Variants in BAD observed in about 807,000 individuals in gnomAD.
BAD encodes the protein BCL2 associated agonist of cell death, also known as bcl2-associated agonist of cell death.
BAD carries 18 observed loss-of-function variants against 17.8 expected under a neutral mutation model. The observed-to-expected ratio is 1.01, with a 90% CI of 0.70 to 1.50. The LOEUF (loss-of-function observed/expected upper bound fraction) is 1.50, where lower values mean the gene tolerates loss of function less well. Among genes scored for constraint, BAD ranks in the 40% most tolerant of loss-of-function variants. The pLI, the probability that BAD is intolerant of heterozygous loss-of-function variation, is 0.00. For missense variants in BAD, 294 were observed against 239.3 expected (o/e 1.23, Z -1.51); for synonymous variants, 112 against 91.5 (o/e 1.22, Z -1.28).
intron 2 of BAD, among the ~76,000 whole-genome samples, chr11:64,279,541 T>C (rs1274920269): frequency 1.3e-4 from 19 of 148,998 alleles, no homozygotes; most frequent in Non-Finnish European, 1.8e-4. Flanking sequence ...CTGAGGCGGG[T>C]GGATCACGAG....
chr11:64,284,648 G>A lies in BAD; in HGVS notation c.-26C>T. The A allele has an allele frequency of 6.5e-7, 1 of 1,531,792 alleles. No individual in the cohort carries two copies. Among genetic ancestry groups the A allele is most frequent in the African/African-American group, 1.4e-5 (1 of 72,948 alleles). 94.9% of individuals were successfully genotyped at this position (1,531,792 alleles called of 1,614,324 possible). ...GGTCTCACCCCAAGCCCGATCTCGAGGCCCCTGACCCGGGCCTGCCGCCTC... is the reference window on the plus strand; with the variant it reads ...GGTCTCACCCCAAGCCCGATCTCGAAGCCCCTGACCCGGGCCTGCCGCCTC... On this transcript the variant is annotated 5_prime_UTR_variant, in exon 1 of 4. Transcript: ENST00000309032.
intron 2 of BAD, among the ~76,000 whole-genome samples, chr11:64,279,575 G>A (rs1322145146): frequency 2.0e-5 from 3 of 151,672 alleles, no homozygotes; most frequent in Non-Finnish European, 4.4e-5. Context: ...GACCAGCCTG[G>A]CCAACATGGT....
chr11:64,275,134 G>A (rs2032963576), intron 2 of BAD, among the ~76,000 whole-genome samples: 1 of 151,840 alleles, frequency 6.6e-6, no homozygotes, highest in Admixed American at 6.6e-5. Context: ...GGTCAGGTGG[G>A]GATACCTCAA....
intron 2 of BAD, among the ~76,000 whole-genome samples, 173 bp downstream of exon 2, chr11:64,284,009 A>C (rs2033662507): frequency 6.6e-6 from 1 of 152,206 alleles, no homozygotes; most frequent in Non-Finnish European, 1.5e-5. Context: ...TAATTAACTC[A>C]ACAGTCCTAC....
At chr11:64,282,798 G>T (rs1400877197) in intron 2 of BAD, among the ~76,000 whole-genome samples, 1 of 150,208 alleles carries the variant, frequency 6.7e-6, no homozygotes, top group East Asian at 2.0e-4. Context: ...AGAACTGCTT[G>T]AACCCAGGAG....
rs2033697102 is a variant in BAD at position 64,284,322 on chromosome 11, C to G, written c.47G>C (p.Ser16Thr). 2 of 1,612,674 alleles carry G rather than the reference C, an allele frequency of 1.2e-6. No individual in the cohort carries two copies. The highest frequency in any genetic ancestry group is 1.7e-6 in the Non-Finnish European group (2 of 1,179,980). The change falls in exon 2 of 4, where the codon AGC (serine) becomes ACC (threonine). Residue 16 changes from serine (S) to threonine (T), a missense_variant. Transcript: ENST00000309032. Reference protein sequence around the residue: ...EFEPSEQEDSSSAERGLGPSP... With the variant: ...EFEPSEQEDSTSAERGLGPSP... ...GGGGCCCAGGCCCCTCTCTGCAGAG[C>G]TGGAGTCTTCCTGCTCACTCGGCTC...
intron 2 of BAD, among the ~76,000 whole-genome samples, chr11:64,283,143 C>T (rs539105600): frequency 1.3e-5 from 2 of 152,156 alleles, no homozygotes; most frequent in Non-Finnish European, 2.9e-5. Flanking sequence ...CGTAAGAGAG[C>T]GAGGGGAAAG....
chr11:64,279,919 C>T (rs997300880), intron 2 of BAD, among the ~76,000 whole-genome samples: 15 of 152,156 alleles, frequency 9.9e-5, no homozygotes, highest in Admixed American at 9.2e-4. Context: ...CACTGTGGCT[C>T]ATGCCTGTAA....
chr11:64,273,436 GTTA>G (rs368285152), intron 2 of BAD, among the ~76,000 whole-genome samples: 15 of 152,236 alleles, frequency 9.9e-5, no homozygotes, highest in African/African-American at 3.6e-4. Context: ...TGCACTATGG[GTTA>G]TTATTCAGAG....
intron 2 of BAD, chr11:64,276,282 G>GTGTGTGTATA (rs1555068830): frequency 1.8e-5 from 1 of 55,994 alleles, no homozygotes; most frequent in African/African-American, 1.0e-4. Context: ...ATTTATGTGT[G>GTGTGTGTATA]TGTGTGTGTA....
At position 64,269,887 on chromosome 11, in the gene BAD, C is replaced by A; in HGVS notation, c.*322G>T. On this transcript the variant is annotated 3_prime_UTR_variant, in exon 4 of 4. Coordinates refer to ENST00000309032, the MANE Select transcript of BAD (RefSeq NM_032989.3). ...GTAGTGAGCACGGCCCCCAGGGCAT[C>A]GCGGGGGCTCGGGTCCCGGTGACGC... The A allele has an allele frequency of 2.9e-6, 2 of 698,956 alleles. No individual in the cohort carries two copies. The highest frequency in any genetic ancestry group is 2.7e-5 in the East Asian group (1 of 37,304). 43.3% of individuals were successfully genotyped at this position (698,956 alleles called of 1,614,324 possible).
chr11:64,278,653 G>C (rs1214486208), intron 2 of BAD, among the ~76,000 whole-genome samples: 2 of 152,164 alleles, frequency 1.3e-5, no homozygotes, highest in Non-Finnish European at 2.9e-5. Flanking sequence ...CCTGCAGTCT[G>C]GCCCAGGGGC....
At position 64,275,271 on chromosome 11, in the gene BAD, G is replaced by A. The variant is rs2032974012; in HGVS notation, c.188-3468C>T. ...CACCTTGGGAGGCTGAAGGATTTCGGATAGGGGCAGGAGAGCCGGGAACAG... is the reference window on the plus strand; with the variant it reads ...CACCTTGGGAGGCTGAAGGATTTCGAATAGGGGCAGGAGAGCCGGGAACAG... On this transcript the variant is annotated intron_variant, in intron 2 of 3. Coordinates refer to ENST00000309032, the MANE Select transcript of BAD (RefSeq NM_032989.3). Among the ~76,000 whole-genome samples, 2 of 152,074 alleles carry A rather than the reference G, an allele frequency of 1.3e-5. 1 individual carries two copies. The highest frequency in any genetic ancestry group is 2.9e-5 in the Non-Finnish European group (2 of 68,000).
At chr11:64,283,741 G>A (rs943829907) in intron 2 of BAD, among the ~76,000 whole-genome samples, 7 of 152,220 alleles carry the variant, frequency 4.6e-5, no homozygotes, top group African/African-American at 7.2e-5. Context: ...TTTCCTTTTC[G>A]GATCACTGCC....
intron 3 of BAD, 45 bp downstream of exon 3, chr11:64,271,568 C>G (rs1473627910): frequency 1.5e-6 from 2 of 1,362,826 alleles, no homozygotes; most frequent in Non-Finnish European, 1.9e-6. Flanking sequence ...CGGCGGGGGG[C>G]GGCCTGGTAC....
chr11:64,279,868 C>T (rs1468281743), intron 2 of BAD, among the ~76,000 whole-genome samples: 2 of 151,828 alleles, frequency 1.3e-5, no homozygotes, highest in African/African-American at 4.8e-5. Flanking sequence ...GCAACTTCAT[C>T]CTACCGGGTG....
In BAD at chr11:64,280,394, C is replaced by G. The variant is rs2033381839; in HGVS notation, c.187+3788G>C. Among the ~76,000 whole-genome samples the G allele has an allele frequency of 2.1e-5, 3 of 143,176 alleles. No homozygotes were observed. In the South Asian group the frequency reaches 6.7e-4, roughly 32 times the overall value. The allele number at this position is 143,176 out of a possible 152,430, so 93.9% of individuals were successfully genotyped here. A position where few individuals can be genotyped will look rare whatever the true frequency, so the allele number is the denominator to read the frequency against. On this transcript the variant is annotated intron_variant, in intron 2 of 3. Coordinates refer to ENST00000309032, the MANE Select transcript of BAD (RefSeq NM_032989.3). ...TGAGACGGAGTCTTGCTCTGTCGCC[C>G]AGGCTGGAGTGCAGTGGCACCATCT...
chr11:64,270,279 C>T lies in BAD; in HGVS notation c.437G>A (p.Ser146Asn). ...CCAGGACTGGAAGACTCGCGTCCAG[C>T]TGGAGCTTTGCCGCATCTGCGTTGC... Reference protein sequence around the residue: ...GTATQMRQSSSWTRVFQSWWD... With the variant: ...GTATQMRQSSNWTRVFQSWWD... The change falls in exon 4 of 4, where the codon AGC becomes AAC. Residue 146 changes from serine to asparagine, a missense_variant. Physicochemically the swap from Ser to Asn is conservative, Grantham distance 46. Coordinates refer to ENST00000309032, the MANE Select transcript of BAD (RefSeq NM_032989.3). 6.3e-7 allele frequency: 1 copy of T among 1,589,414 alleles called. No homozygotes were observed. The highest frequency in any genetic ancestry group is 8.6e-7 in the Non-Finnish European group (1 of 1,162,860).
At chr11:64,276,900 G>T (rs1431281023) in intron 2 of BAD, 1 of 758,718 alleles carries the variant, frequency 1.3e-6, no homozygotes, top group Non-Finnish European at 2.5e-6. Flanking sequence ...CCCCAGCATG[G>T]CACCTCTAGC....
Sources: gnomAD v4.1 joint callset for allele counts (sites outside exome capture counted in the v4.1 genomes callset) on GRCh38, gnomAD v4.1.1 for gene constraint, MANE v1.5 for transcripts, NCBI Gene and HGNC (gene_info 2026-07-23, HGNC 2026-07-21) for gene names.